Variants in SUGCT observed in about 807,000 individuals in gnomAD.
SUGCT encodes succinyl-CoA:glutarate CoA-transferase.
In SUGCT, 41 loss-of-function variants were observed where a neutral mutation model predicts 55.0. The observed-to-expected ratio is 0.74, with a 90% CI of 0.58 to 0.97. The LOEUF (loss-of-function observed/expected upper bound fraction) is 0.97. SUGCT is among the 50% of genes least tolerant of loss of function. The pLI is 0.00. For missense variants in SUGCT, 568 were observed against 547.8 expected (o/e 1.04, Z -0.37); for synonymous variants, 187 against 200.4 (o/e 0.93, Z 0.56).
the SUGCT span, chr7:40,966,727 G>A: frequency 6.6e-5 from 10 of 152,184 alleles, no homozygotes; most frequent in African/African-American, 2.2e-4. Flanking sequence ...TTGTCTAAAG[G>A]TTAAGCACTC....
chr7:40,257,485 A>T (rs555946140), intron 7 of SUGCT, among the ~76,000 whole-genome samples: 2 of 151,194 alleles, frequency 1.3e-5, no homozygotes, highest in Non-Finnish European at 3.0e-5. Flanking sequence ...AAGAAATGTT[A>T]AAAAAAAAGA....
At chr7:40,921,309 A>C in the SUGCT span, among the ~76,000 whole-genome samples, 1 of 152,176 alleles carries the variant, frequency 6.6e-6, no homozygotes, top group Non-Finnish European at 1.5e-5. Context: ...GGGGCCTTTT[A>C]AAAACAAAGA....
At chr7:41,019,677 G>T in the SUGCT span, among the ~76,000 whole-genome samples, 1 of 152,176 alleles carries the variant, frequency 6.6e-6, no homozygotes, top group Non-Finnish European at 1.5e-5. Context: ...AGATGCAGTT[G>T]CTTTCTGACC....
At chr7:40,289,572 G>A (rs1253993110) in intron 8 of SUGCT, among the ~76,000 whole-genome samples, 3 of 152,038 alleles carry the variant, frequency 2.0e-5, no homozygotes, top group Non-Finnish European at 4.4e-5. Context: ...AAAACTGGAA[G>A]CATTCCCTTT....
intron 9 of SUGCT, among the ~76,000 whole-genome samples, chr7:40,364,333 AT>A (rs1388277156): frequency 2.0e-5 from 3 of 151,608 alleles, no homozygotes; most frequent in Non-Finnish European, 4.4e-5. Flanking sequence ...TAATATTGTT[AT>A]GTGTGAATTT....
chr7:40,646,230 A>C (rs1800502109), intron 12 of SUGCT, among the ~76,000 whole-genome samples: 1 of 152,196 alleles, frequency 6.6e-6, no homozygotes, highest in Non-Finnish European at 1.5e-5. Context: ...CTCTGTGACC[A>C]TACTAGTTCA....
chr7:40,517,492 G>A (rs958325619), intron 12 of SUGCT, among the ~76,000 whole-genome samples: 1 of 151,960 alleles, frequency 6.6e-6, no homozygotes, highest in African/African-American at 2.4e-5. Context: ...CTTTTCATGG[G>A]TACCTTTTAT....
chr7:40,821,928 GCTTTAAAT>G (rs1792042042), intron 13 of SUGCT, among the ~76,000 whole-genome samples: 2 of 152,136 alleles, frequency 1.3e-5, no homozygotes, highest in Admixed American at 6.5e-5. Context: ...TCTACACACT[GCTTTAAAT>G]GTGTCCCAGA....
At chr7:40,290,839 G>C (rs914116322) in intron 8 of SUGCT, among the ~76,000 whole-genome samples, 1 of 152,058 alleles carries the variant, frequency 6.6e-6, no homozygotes, top group African/African-American at 2.4e-5. Context: ...TCAAAAAGTG[G>C]GTGAAGGATA....
At chr7:40,588,064 G>T (rs1271145015) in intron 12 of SUGCT, among the ~76,000 whole-genome samples, 1 of 151,574 alleles carries the variant, frequency 6.6e-6, no homozygotes, top group Non-Finnish European at 1.5e-5. Flanking sequence ...CACCATGCCC[G>T]GCTAATTTTT....
At chr7:40,778,685 T>C (rs778730342) in intron 13 of SUGCT, among the ~76,000 whole-genome samples, 3 of 152,236 alleles carry the variant, frequency 2.0e-5, no homozygotes, top group Non-Finnish European at 4.4e-5. Flanking sequence ...TGGTTTGATA[T>C]GAGTGATCTG....
At chr7:41,015,969 G>A in the SUGCT span, among the ~76,000 whole-genome samples, 1 of 152,312 alleles carries the variant, frequency 6.6e-6, no homozygotes, top group Non-Finnish European at 1.5e-5. Flanking sequence ...CTATCTGCAT[G>A]GTTACTGCAT....
intron 8 of SUGCT, among the ~76,000 whole-genome samples, chr7:40,301,433 C>G (rs928846155): frequency 3.3e-5 from 5 of 152,182 alleles, no homozygotes; most frequent in Non-Finnish European, 5.9e-5. Context: ...GTATTCTTTA[C>G]ATGAATTTTT....
At chr7:40,558,010 A>G (rs1795644637) in intron 12 of SUGCT, among the ~76,000 whole-genome samples, 1 of 152,058 alleles carries the variant, frequency 6.6e-6, no homozygotes, top group African/African-American at 2.4e-5. Context: ...GCAGATGAAA[A>G]GATGCTCCAC....
At chr7:40,212,677 G>T (rs567566852) in intron 6 of SUGCT, among the ~76,000 whole-genome samples, 3 of 152,228 alleles carry the variant, frequency 2.0e-5, no homozygotes, top group African/African-American at 7.2e-5. Flanking sequence ...TGGGACTACA[G>T]GTTTGTGCCA....
chr7:40,576,436 T>A (rs960428656), intron 12 of SUGCT, among the ~76,000 whole-genome samples: 1 of 152,198 alleles, frequency 6.6e-6, no homozygotes, highest in Admixed American at 6.5e-5. Flanking sequence ...AGCTATTTTG[T>A]CTCACCAAAA....
intron 12 of SUGCT, among the ~76,000 whole-genome samples, chr7:40,647,552 TAG>T (rs1366293715): frequency 1.3e-5 from 2 of 152,190 alleles, no homozygotes; most frequent in East Asian, 3.9e-4. Context: ...GTGAGACACG[TAG>T]AAGTTAGGCC....
intron 1 of SUGCT, among the ~76,000 whole-genome samples, chr7:40,167,521 C>T (rs886227999): frequency 2.0e-5 from 3 of 152,142 alleles, no homozygotes; most frequent in Non-Finnish European, 4.4e-5. Flanking sequence ...CCCAAGATGG[C>T]GGCAAGCCTT....
chr7:40,504,120 A>G (rs1052254176), intron 12 of SUGCT, among the ~76,000 whole-genome samples: 6 of 152,214 alleles, frequency 3.9e-5, no homozygotes, highest in Non-Finnish European at 8.8e-5. Context: ...AAAACTTTTC[A>G]TTTATAAAGG....
Sources: gnomAD v4.1 joint callset for allele counts (sites outside exome capture counted in the v4.1 genomes callset) on GRCh38, gnomAD v4.1.1 for gene constraint, MANE v1.5 for transcripts, NCBI Gene and HGNC (gene_info 2026-07-23, HGNC 2026-07-21) for gene names.